NRXN3: variants seen among roughly 807,000 people sequenced by gnomAD.
NRXN3 encodes neurexin III.
A neutral mutation model predicts 137.6 loss-of-function variants in NRXN3; 32 were observed. The observed-to-expected ratio is 0.23, with a 90% CI of 0.18 to 0.31. The LOEUF (loss-of-function observed/expected upper bound fraction) is 0.31. NRXN3 is among the 10% of genes least tolerant of loss of function. The probability of loss-of-function intolerance (pLI) is 1.00; values close to 1 mark genes in which losing one functional copy is unlikely to be tolerated. For synonymous variants in NRXN3, 798 were observed against 784.5 expected (o/e 1.02, Z -0.29); for missense variants, 1,574 against 2,062.5 (o/e 0.76, Z 4.59).
chr14:78,425,257 G>C (rs1414543142), intron 4 of NRXN3, among the ~76,000 whole-genome samples: 3 of 152,192 alleles, frequency 2.0e-5, no homozygotes, highest in Non-Finnish European at 4.4e-5. Context: ...CTCATTCTGT[G>C]TTGTGAGGAT....
At chr14:79,404,421 G>T (rs1227113112) in intron 15 of NRXN3, among the ~76,000 whole-genome samples, 1 of 152,134 alleles carries the variant, frequency 6.6e-6, no homozygotes, top group Non-Finnish European at 1.5e-5. Flanking sequence ...TCACAAAAAG[G>T]CTCGCCCAGA....
At chr14:79,512,899 G>A (rs1286019278) in intron 16 of NRXN3, among the ~76,000 whole-genome samples, 1 of 152,150 alleles carries the variant, frequency 6.6e-6, no homozygotes, top group African/African-American at 2.4e-5. Flanking sequence ...GAGGTGGAGA[G>A]AATATTTATT....
intron 15 of NRXN3, among the ~76,000 whole-genome samples, chr14:79,449,947 C>T (rs995020592): frequency 2.1e-4 from 29 of 135,640 alleles, no homozygotes; most frequent in Admixed American, 3.4e-4. Flanking sequence ...GCTGAGATTG[C>T]ACCACTGCAC....
intron 15 of NRXN3, among the ~76,000 whole-genome samples, chr14:79,296,904 C>T (rs142171605): frequency 9.8e-4 from 149 of 152,208 alleles, no homozygotes; most frequent in African/African-American, 1.3e-3. Context: ...GCAGTTCCTG[C>T]GTGATCTGGC....
intron 10 of NRXN3, among the ~76,000 whole-genome samples, chr14:78,943,621 A>AAAAAAATAT (rs1567777841): frequency 3.6e-5 from 1 of 27,882 alleles, no homozygotes; most frequent in Non-Finnish European, 6.1e-5. Flanking sequence ...AAAAAAAAAA[A>AAAAAAATAT]ATATATATAT....
At chr14:79,240,298 T>A (rs1267092705) in intron 15 of NRXN3, among the ~76,000 whole-genome samples, 2 of 151,964 alleles carry the variant, frequency 1.3e-5, no homozygotes, top group Non-Finnish European at 2.9e-5. Flanking sequence ...TATAGAAAAA[T>A]GCACTCCTGC....
At chr14:79,696,243 T>A (rs1333201817) in intron 18 of NRXN3, among the ~76,000 whole-genome samples, 1 of 151,942 alleles carries the variant, frequency 6.6e-6, no homozygotes, top group Admixed American at 6.6e-5. Flanking sequence ...AACGTGACAA[T>A]ATCCCTCTAT....
chr14:79,318,237 A>G (rs552143421), intron 15 of NRXN3, among the ~76,000 whole-genome samples: 1 of 152,382 alleles, frequency 6.6e-6, no homozygotes, highest in East Asian at 1.9e-4. Flanking sequence ...ATACAAATTT[A>G]TATCTCAAAA....
intron 15 of NRXN3, among the ~76,000 whole-genome samples, chr14:79,411,586 G>T (rs972946784): frequency 1.3e-5 from 2 of 151,956 alleles, no homozygotes; most frequent in Non-Finnish European, 1.5e-5. Flanking sequence ...AGTACACAAA[G>T]AACTTTTTAA....
chr14:79,772,877 A>T (rs2099083477), intron 19 of NRXN3, among the ~76,000 whole-genome samples: 1 of 152,202 alleles, frequency 6.6e-6, no homozygotes. Context: ...CAACCTACTT[A>T]TCTGACAAAG....
chr14:78,394,799 T>G (rs1014543702), intron 4 of NRXN3, among the ~76,000 whole-genome samples: 2 of 151,846 alleles, frequency 1.3e-5, no homozygotes, highest in African/African-American at 4.8e-5. Flanking sequence ...GGGTAGACAG[T>G]GTTTTTTTGA....
chr14:79,520,913 C>T (rs57252489), intron 16 of NRXN3, among the ~76,000 whole-genome samples: 4,167 of 152,230 alleles, frequency 0.027, 200 homozygotes, highest in African/African-American at 0.095. Flanking sequence ...AATGCCATTA[C>T]TGGGTATATA....
At chr14:78,575,998 G>A (rs2096932239) in intron 4 of NRXN3, among the ~76,000 whole-genome samples, 1 of 152,192 alleles carries the variant, frequency 6.6e-6, no homozygotes, top group Non-Finnish European at 1.5e-5. Flanking sequence ...TTGCAAGATT[G>A]GGAACGTACA....
chr14:78,636,332 G>C (rs944430501), intron 4 of NRXN3, among the ~76,000 whole-genome samples: 2 of 152,106 alleles, frequency 1.3e-5, no homozygotes, highest in Non-Finnish European at 2.9e-5. Flanking sequence ...AGAGTTTACT[G>C]TGGTAAGGAT....
intron 16 of NRXN3, among the ~76,000 whole-genome samples, chr14:79,506,748 A>G (rs949396674): frequency 1.3e-5 from 2 of 151,920 alleles, no homozygotes; most frequent in African/African-American, 2.4e-5. Context: ...ATAACCTTTC[A>G]TCTAGGGGAA....
intron 8 of NRXN3, among the ~76,000 whole-genome samples, chr14:78,787,378 A>T (rs994810492): frequency 6.6e-6 from 1 of 152,168 alleles, no homozygotes; most frequent in African/African-American, 2.4e-5. Context: ...GGAAATCAAA[A>T]GCGTTAACCA....
chr14:79,594,051 A>C (rs1417474156), intron 16 of NRXN3, among the ~76,000 whole-genome samples: 1 of 152,210 alleles, frequency 6.6e-6, no homozygotes, highest in Non-Finnish European at 1.5e-5. Context: ...AGGGCAACTC[A>C]TTGCTTAGAG....
chr14:78,706,168 T>C (rs1002356581), intron 6 of NRXN3, among the ~76,000 whole-genome samples: 1 of 152,214 alleles, frequency 6.6e-6, no homozygotes, highest in Non-Finnish European at 1.5e-5. Context: ...CATTAATAAT[T>C]AACCTTTACT....
rs1157197441 is a variant in NRXN3, at chr14:78,865,779, A to G, written c.2275+55435A>G. On this transcript the variant is annotated intron_variant, in intron 10 of 20. Transcript: ENST00000335750. ...ATTGTTGTAGATGTCACTTTATAAT[A>G]AGACAGATAAGGCAGTCAGTATACA... Among the ~76,000 whole-genome samples the G allele has an allele frequency of 9.8e-5, 15 of 152,310 alleles. 1 individual carries two copies. Among genetic ancestry groups the G allele is most frequent in the Non-Finnish European group, 1.5e-4 (10 of 68,002 alleles).
Sources: allele counts gnomAD v4.1 joint callset (sites outside exome capture counted in the v4.1 genomes callset), GRCh38; gene constraint gnomAD v4.1.1; transcripts MANE v1.5; gene names NCBI Gene and HGNC (gene_info 2026-07-23, HGNC 2026-07-21).